Variants in TRPM3 observed in about 807,000 individuals in gnomAD.
TRPM3 encodes the protein long transient receptor potential channel 3.
Under a neutral mutation model 181.2 loss-of-function variants are expected in TRPM3, and 77 were observed. The observed-to-expected ratio is 0.42, with a 90% CI of 0.35 to 0.51. TRPM3 has a LOEUF of 0.51. TRPM3 is among the 20% of genes least tolerant of loss of function. The pLI is 0.01. For missense variants in TRPM3, 1,759 were observed against 2,196.7 expected (o/e 0.80, Z 3.98); for synonymous variants, 745 against 796.4 (o/e 0.94, Z 1.09).
At chr9:71,180,422 G>A (rs567110340) in intron 1 of TRPM3, among the ~76,000 whole-genome samples, 2 of 152,078 alleles carry the variant, frequency 1.3e-5, no homozygotes, top group Admixed American at 6.6e-5. Context: ...ACTTGAAAGG[G>A]AATTTAATCT....
At chr9:71,299,964 T>C (rs1445318855) in intron 1 of TRPM3, among the ~76,000 whole-genome samples, 3 of 152,094 alleles carry the variant, frequency 2.0e-5, no homozygotes, top group African/African-American at 7.2e-5. Flanking sequence ...GAGGTCTTTC[T>C]AGGAAAGTCT....
At chr9:70,761,124 G>T (rs1191620777) in intron 8 of TRPM3, 2 of 287,112 alleles carry the variant, frequency 7.0e-6, no homozygotes, top group Middle Eastern at 9.7e-4. Context: ...AACACATTTT[G>T]CTCTGATTTT....
At chr9:70,622,947 A>C (rs969133072) in intron 14 of TRPM3, among the ~76,000 whole-genome samples, 5 of 151,892 alleles carry the variant, frequency 3.3e-5, no homozygotes, top group Admixed American at 6.6e-5. Context: ...TTTTTTTAAA[A>C]ATTCTGTTAT....
chr9:70,952,059 G>A (rs2097008398), intron 1 of TRPM3, among the ~76,000 whole-genome samples: 1 of 152,146 alleles, frequency 6.6e-6, no homozygotes, highest in South Asian at 2.1e-4. Flanking sequence ...CAATGCCCTG[G>A]TTTGAAAAGC....
intron 6 of TRPM3, among the ~76,000 whole-genome samples, chr9:70,800,418 G>A (rs2088598326): frequency 1.3e-5 from 2 of 152,200 alleles, no homozygotes; most frequent in South Asian, 4.1e-4. Context: ...AGCCAGGTGG[G>A]TTGCATATCT....
intron 1 of TRPM3, among the ~76,000 whole-genome samples, chr9:71,194,434 G>A (rs901292984): frequency 4.6e-5 from 7 of 151,860 alleles, no homozygotes; most frequent in Non-Finnish European, 8.8e-5. Context: ...ACAGAACTGG[G>A]CAAAAGAATG....
intron 1 of TRPM3, among the ~76,000 whole-genome samples, chr9:70,895,194 A>G (rs1275067425): frequency 1.3e-5 from 2 of 152,048 alleles, no homozygotes; most frequent in Admixed American, 6.5e-5. Context: ...GCAGCGCTGC[A>G]TTTTCTTTTC....
At chr9:71,302,319 G>A (rs1374265820) in intron 1 of TRPM3, among the ~76,000 whole-genome samples, 1 of 152,052 alleles carries the variant, frequency 6.6e-6, no homozygotes, top group Non-Finnish European at 1.5e-5. Context: ...ACTATTTTAT[G>A]ACCAGATTGA....
At chr9:70,746,424 C>A (rs1400120051) in intron 8 of TRPM3, among the ~76,000 whole-genome samples, 1 of 152,014 alleles carries the variant, frequency 6.6e-6, no homozygotes. Flanking sequence ...TTCACACATA[C>A]TCTCATAAAC....
intron 5 of TRPM3, among the ~76,000 whole-genome samples, chr9:70,835,588 T>G (rs554656285): frequency 6.6e-6 from 1 of 151,972 alleles, no homozygotes; most frequent in African/African-American, 2.4e-5. Flanking sequence ...CCGAATACCA[T>G]CCCTTCTCCA....
At chr9:71,132,167 T>C (rs1195097089) in intron 1 of TRPM3, among the ~76,000 whole-genome samples, 2 of 152,180 alleles carry the variant, frequency 1.3e-5, no homozygotes, top group African/African-American at 4.8e-5. Flanking sequence ...GATGCTGAGA[T>C]AAGGGTAAGA....
chr9:70,787,314 A>C (rs567380604), intron 6 of TRPM3, among the ~76,000 whole-genome samples: 1 of 152,208 alleles, frequency 6.6e-6, no homozygotes, highest in Non-Finnish European at 1.5e-5. Flanking sequence ...GCAAACTGTC[A>C]TCTTTTTCAT....
intron 1 of TRPM3, among the ~76,000 whole-genome samples, chr9:70,907,662 C>T (rs530602717): frequency 6.6e-6 from 1 of 152,278 alleles, no homozygotes; most frequent in Admixed American, 6.5e-5. Flanking sequence ...CAGTAATGAA[C>T]ATCGTACCCA....
intron 1 of TRPM3, among the ~76,000 whole-genome samples, chr9:71,310,967 A>G (rs1454428777): frequency 6.6e-6 from 1 of 152,256 alleles, no homozygotes. Flanking sequence ...AAATTTCTCA[A>G]TCTGTTCCTT....
intron 22 of TRPM3, 40 bp from the exon 23 acceptor site, chr9:70,553,350 A>G (rs1564293620): frequency 6.2e-7 from 1 of 1,601,134 alleles, no homozygotes; most frequent in East Asian, 2.2e-5. Flanking sequence ...GAAACTGGCT[A>G]TTTGAGTTAG....
intron 1 of TRPM3, among the ~76,000 whole-genome samples, chr9:70,933,973 C>T (rs2096799781): frequency 1.3e-5 from 2 of 151,980 alleles, no homozygotes; most frequent in Admixed American, 1.3e-4. Flanking sequence ...TGGTGGAAAG[C>T]TGAGGAAGTT....
intron 1 of TRPM3, among the ~76,000 whole-genome samples, chr9:71,340,448 CA>C (rs1281404842): frequency 6.6e-6 from 1 of 152,014 alleles, no homozygotes; most frequent in African/African-American, 2.4e-5. Flanking sequence ...ATCATGGGGG[CA>C]AGTCCTTTCA....
At chr9:70,860,572 G>A (rs917004511) in intron 3 of TRPM3, among the ~76,000 whole-genome samples, 2 of 152,162 alleles carry the variant, frequency 1.3e-5, no homozygotes, top group African/African-American at 2.4e-5. Flanking sequence ...CAGTCAGGCT[G>A]TAAATAAAAT....
intron 1 of TRPM3, among the ~76,000 whole-genome samples, chr9:71,006,784 T>C (rs4503166): frequency 0.22 from 31,880 of 147,152 alleles, 4,102 homozygotes; most frequent in East Asian, 0.29. Context: ...GGCAGGAGAA[T>C]GGCGTGAACC....
Sources: allele counts gnomAD v4.1 joint callset (sites outside exome capture counted in the v4.1 genomes callset), GRCh38; gene constraint gnomAD v4.1.1; transcripts MANE v1.5; gene names NCBI Gene and HGNC (gene_info 2026-07-23, HGNC 2026-07-21).